STK32B: variants seen among roughly 807,000 people sequenced by gnomAD.
STK32B encodes the protein serine/threonine-protein kinase 32B.
Under a neutral mutation model 52.6 loss-of-function variants are expected in STK32B, and 43 were observed. The ratio of observed to expected loss-of-function variants is 0.82; its 90% CI spans 0.64 to 1.05. The LOEUF is 1.05. Among genes scored for constraint, STK32B ranks in the 50% least tolerant of loss-of-function variants. The probability of loss-of-function intolerance (pLI) is 0.00; values close to 1 mark genes in which losing one functional copy is unlikely to be tolerated. For missense variants in STK32B, 621 were observed against 534.6 expected (o/e 1.16, Z -1.59); for synonymous variants, 238 against 204.3 (o/e 1.17, Z -1.41).
intron 3 of STK32B, among the ~76,000 whole-genome samples, chr4:5,191,904 C>T (rs925201724): frequency 5.3e-5 from 8 of 152,204 alleles, no homozygotes; most frequent in Admixed American, 3.3e-4. Flanking sequence ...GGTCCATGAC[C>T]GGCACGGGCT....
intron 1 of STK32B, among the ~76,000 whole-genome samples, chr4:5,119,683 A>G (rs1236276899): frequency 2.0e-5 from 3 of 152,222 alleles, no homozygotes; most frequent in Non-Finnish European, 4.4e-5. Flanking sequence ...TGCTTCTTAA[A>G]TCAATTAAAT....
intron 3 of STK32B, among the ~76,000 whole-genome samples, chr4:5,315,271 A>G (rs1263344411): frequency 1.3e-5 from 2 of 152,206 alleles, no homozygotes; most frequent in Non-Finnish European, 2.9e-5. Flanking sequence ...GGAAATGCAA[A>G]TGAGATGTGA....
At chr4:5,027,761 G>A in the STK32B span, among the ~76,000 whole-genome samples, 1 of 152,162 alleles carries the variant, frequency 6.6e-6, no homozygotes, top group Admixed American at 6.5e-5. Context: ...TCTCTACCTG[G>A]TGTTGAAAGA....
intron 3 of STK32B, among the ~76,000 whole-genome samples, chr4:5,313,701 A>G (rs1730468276): frequency 6.6e-6 from 1 of 152,152 alleles, no homozygotes; most frequent in South Asian, 2.1e-4. Context: ...GTGGTCTACA[A>G]CATTCGTGCA....
chr4:5,078,376 G>GA (rs1712209028), intron 1 of STK32B, among the ~76,000 whole-genome samples: 1 of 151,992 alleles, frequency 6.6e-6, no homozygotes, highest in African/African-American at 2.4e-5. Context: ...CTGTTAGCCT[G>GA]AAAAAACAAA....
In STK32B at chr4:5,452,977, G is replaced by A. The variant is rs78266096; in HGVS notation, c.667-3830G>A. ...AACTCAGCATCAGTACAAGCAGACA[G>A]GATATTGATCTTAATATTTGCCAGT... On this transcript the variant is annotated intron_variant, in intron 7 of 11. Transcript: ENST00000282908. 4.6e-3 allele frequency among the ~76,000 whole-genome samples: 707 copies of A among 152,138 alleles called. 19 individuals are homozygous for A. The East Asian group carries it at 0.069, about 15-fold the overall frequency.
intron 2 of STK32B, among the ~76,000 whole-genome samples, chr4:5,166,544 G>A (rs1718882816): frequency 6.7e-6 from 1 of 149,828 alleles, no homozygotes; most frequent in Non-Finnish European, 1.5e-5. Flanking sequence ...ATGACACAGA[G>A]ACGTAGGGGA....
intron 11 of STK32B, among the ~76,000 whole-genome samples, chr4:5,488,380 C>A (rs1308391773): frequency 1.3e-5 from 2 of 152,200 alleles, no homozygotes; most frequent in African/African-American, 4.8e-5. Context: ...ACAAACAGAA[C>A]ATCCTGCAAT....
At position 5,110,014 on chromosome 4, in the gene STK32B, GA is replaced by G. The variant is rs35239859; in HGVS notation, c.53-29881del. 3.6e-3 allele frequency among the ~76,000 whole-genome samples: 527 copies of G among 147,342 alleles called. 4 individuals are homozygous for G. The highest frequency in any genetic ancestry group is 0.013 in the African/African-American group (510 of 39,968). On this transcript the variant is annotated intron_variant, in intron 1 of 11. Transcript: ENST00000282908. ...ACCAATCCCGTTTACAATAGCCACA[GA>G]AAAAAAAAACCTGGGAATACATTTA...
intron 3 of STK32B, among the ~76,000 whole-genome samples, chr4:5,183,579 G>A (rs1260796174): frequency 3.9e-5 from 6 of 152,222 alleles, no homozygotes; most frequent in Middle Eastern, 3.4e-3. Context: ...ATACTTGTAC[G>A]AAGTGAGATG....
intron 3 of STK32B, among the ~76,000 whole-genome samples, chr4:5,286,264 A>G (rs1728534357): frequency 6.6e-6 from 1 of 152,214 alleles, no homozygotes; most frequent in Admixed American, 6.5e-5. Flanking sequence ...TGAGCCACAA[A>G]ACTAGACTTC....
intron 1 of STK32B, among the ~76,000 whole-genome samples, chr4:5,107,246 C>T (rs1433964640): frequency 6.6e-6 from 1 of 151,988 alleles, no homozygotes; most frequent in African/African-American, 2.4e-5. Flanking sequence ...CTCCCATCAC[C>T]CCAAAATGAG....
chr4:5,101,963 C>G (rs1342980499), intron 1 of STK32B, among the ~76,000 whole-genome samples: 1 of 152,178 alleles, frequency 6.6e-6, no homozygotes, highest in Non-Finnish European at 1.5e-5. Flanking sequence ...TGCCTAGGAC[C>G]ATCCTGTTTG....
At chr4:5,487,071 G>A (rs1719284142) in intron 11 of STK32B, among the ~76,000 whole-genome samples, 2 of 152,182 alleles carry the variant, frequency 1.3e-5, no homozygotes, top group Non-Finnish European at 2.9e-5. Flanking sequence ...TGGTCAAGCT[G>A]TTTCTCTGAA....
the STK32B span, among the ~76,000 whole-genome samples, chr4:5,043,265 T>C: frequency 2.0e-5 from 3 of 152,210 alleles, no homozygotes; most frequent in Non-Finnish European, 4.4e-5. Context: ...GTCTCCCTTG[T>C]CTCAATCCTT....
At chr4:5,346,756 TC>T (rs1348725359) in intron 4 of STK32B, among the ~76,000 whole-genome samples, 1 of 151,996 alleles carries the variant, frequency 6.6e-6, no homozygotes, top group Non-Finnish European at 1.5e-5. Flanking sequence ...GAAATAAGTG[TC>T]AGTCACTGTA....
chr4:5,475,927 G>A (rs1427333308), intron 11 of STK32B, among the ~76,000 whole-genome samples: 1 of 151,418 alleles, frequency 6.6e-6, no homozygotes, highest in African/African-American at 2.4e-5. Flanking sequence ...ATGGAGTTTT[G>A]CTCGTCGCCC....
chr4:5,397,280 T>C (rs1376833620), intron 4 of STK32B, among the ~76,000 whole-genome samples: 1 of 152,188 alleles, frequency 6.6e-6, no homozygotes, highest in Non-Finnish European at 1.5e-5. Flanking sequence ...TGTGTACACG[T>C]CAATAATAAG....
chr4:5,466,696 C>G lies in STK32B; in HGVS notation c.910-7C>G. 6.2e-7 allele frequency: 1 copy of G among 1,610,686 alleles called. No homozygotes were observed. Among genetic ancestry groups the G allele is most frequent in the Non-Finnish European group, 8.5e-7 (1 of 1,178,400 alleles). On this transcript the variant is annotated splice_region_variant and splice_polypyrimidine_tract_variant and intron_variant, in intron 9 of 11. Transcript: ENST00000282908. ...CAGACCATGTTTTCTTTTCTACTCC[C>G]CTTTAGAAAGGGAGGTTGAACTGCG... is the stretch of plus-strand genomic sequence containing the variant.
Sources: allele counts gnomAD v4.1 joint callset (sites outside exome capture counted in the v4.1 genomes callset), GRCh38; gene constraint gnomAD v4.1.1; transcripts MANE v1.5; gene names NCBI Gene and HGNC (gene_info 2026-07-23, HGNC 2026-07-21).